Variants in PSMC4 observed in about 807,000 individuals in gnomAD.
The protein encoded by PSMC4 is proteasome 26S subunit, ATPase 4.
A neutral mutation model predicts 48.4 loss-of-function variants in PSMC4; 13 were observed. The observed-to-expected ratio is 0.27, with a 90% confidence interval of 0.18 to 0.43. PSMC4 has a LOEUF of 0.43. Ranked by LOEUF, PSMC4 falls within the 20% of genes least tolerant of loss-of-function variation. The pLI is 1.00. For missense variants in PSMC4, 262 were observed against 555.9 expected, an observed-to-expected ratio of 0.47 and a Z score of 5.32; for synonymous variants, 202 against 212.3, an observed-to-expected ratio of 0.95 and a Z score of 0.42.
chr19:39,980,592 G>T lies in PSMC4; in HGVS notation c.1088-70G>T. The T allele has an allele frequency of 6.3e-7, 1 of 1,594,394 alleles. No homozygotes were observed. Among genetic ancestry groups the T allele is most frequent in the South Asian group, 1.1e-5 (1 of 90,632 alleles). ...GGGAGGAGGGGAGGTGACAGAGATGGCCAAAGATGACTTCCAGCCCCAGGC... is the reference window on the plus strand; with the variant it reads ...GGGAGGAGGGGAGGTGACAGAGATGTCCAAAGATGACTTCCAGCCCCAGGC... On this transcript the variant is annotated intron_variant, in intron 9 of 10. Transcript: ENST00000157812. The surrounding 1 kb of genome is among the most constrained non-coding windows in gnomAD (Gnocchi z 4.8).
Position 39,981,381 on chromosome 19 carries a change from T to C in PSMC4, c.*76T>C, listed in dbSNP as rs988464991. On this transcript the variant is annotated 3_prime_UTR_variant, in exon 11 of 11. Coordinates refer to ENST00000157812, the MANE Select transcript of PSMC4 (RefSeq NM_006503.4). ...CCCCCAGCACCTCTGTCCCAAAACCTCATTCCCTTTTTTCTTTACCCAGGA... is the reference window on the plus strand; with the variant it reads ...CCCCCAGCACCTCTGTCCCAAAACCCCATTCCCTTTTTTCTTTACCCAGGA... 9.8e-7 allele frequency: 1 copy of C among 1,024,364 alleles called. No individual in the cohort carries two copies. The highest frequency in any genetic ancestry group is 2.1e-4 in the Middle Eastern group (1 of 4,876). 63.5% of individuals were successfully genotyped at this position (1,024,364 alleles called of 1,614,324 possible).
rs1192629472 is a variant in PSMC4, at chr19:39,981,211, G to A, written c.1163G>A (p.Arg388His). 4.3e-6 allele frequency: 7 copies of A among 1,613,768 alleles called. No individual in the cohort carries two copies. Among genetic ancestry groups the A allele is most frequent in the Non-Finnish European group, 5.9e-6 (7 of 1,179,826 alleles). Residue 388 changes from arginine to histidine, a missense_variant, in exon 11 of 11, where the codon CGT becomes CAT. By Grantham distance (29) the Arg-to-His change is conservative. Coordinates refer to ENST00000157812, the MANE Select transcript of PSMC4 (RefSeq NM_006503.4). ...CAACAGAGTGGAATGTTGGCTGTCC[G>A]TGAAAACCGCTACATTGTCCTGGCC... ...ICQESGMLAV[R>H]ENRYIVLAKD...
chr19:39,973,306 A>G (rs1036300855), intron 3 of PSMC4, among the ~76,000 whole-genome samples: 1 of 152,120 alleles, frequency 6.6e-6, no homozygotes, highest in African/African-American at 2.4e-5. Flanking sequence ...CTCTGAGGCC[A>G]GGCATGGTGC....
In PSMC4 at chr19:39,980,750, C is replaced by T. The variant is rs376616888; in HGVS notation, c.1143+33C>T. ...GTGGTTTCTCTCTGGATCCAGGCAG[C>T]GGGTGTGTGAGGACCCTTCTTCTCT... On this transcript the variant is annotated intron_variant, in intron 10 of 10. Coordinates refer to ENST00000157812, the MANE Select transcript of PSMC4 (RefSeq NM_006503.4). This position sits in a 1 kb window ranked among gnomAD's most constrained non-coding sequence, Gnocchi z 4.8. 293 of 1,604,480 alleles carry T rather than the reference C, an allele frequency of 1.8e-4. No individual in the cohort carries two copies. The highest frequency in any genetic ancestry group is 2.3e-4 in the Non-Finnish European group (271 of 1,171,490).
chr19:39,977,222 T>C (rs1599728675), intron 6 of PSMC4, among the ~76,000 whole-genome samples: 2 of 152,122 alleles, frequency 1.3e-5, no homozygotes, highest in Non-Finnish European at 2.9e-5. Flanking sequence ...CCAAGACAGA[T>C]CTTCCAGTGT....
chr19:39,976,194 G>A (rs1288321696), intron 6 of PSMC4, among the ~76,000 whole-genome samples: 3 of 149,038 alleles, frequency 2.0e-5, no homozygotes, highest in African/African-American at 7.4e-5. Flanking sequence ...CCCAGATCAC[G>A]CCACTGTACT....
At chr19:39,978,790 G>A (rs532828694) in intron 6 of PSMC4, among the ~76,000 whole-genome samples, 1 of 152,272 alleles carries the variant, frequency 6.6e-6, no homozygotes, top group South Asian at 2.1e-4. Context: ...GCTAAGCCAG[G>A]AGGATCGCTT....
chr19:39,975,452 G>A (rs536697267), intron 6 of PSMC4, among the ~76,000 whole-genome samples: 105 of 148,984 alleles, frequency 7.0e-4, no homozygotes, highest in Middle Eastern at 3.4e-3. Flanking sequence ...ATGTCTGAAA[G>A]TCACTCACTC....
Position 39,980,640 on chromosome 19 carries a change from T to C in PSMC4, c.1088-22T>C, listed in dbSNP as rs1971273865. ...GGCATTTACCCCATCACACAGGGAA[T>C]AGTTTCCTTAACTCGCTGCAGATGT... is the stretch of plus-strand genomic sequence containing the variant. On this transcript the variant is annotated intron_variant, in intron 9 of 10. Coordinates refer to ENST00000157812, the MANE Select transcript of PSMC4 (RefSeq NM_006503.4). This position sits in a 1 kb window ranked among gnomAD's most constrained non-coding sequence, Gnocchi z 4.8. 2.5e-6 allele frequency: 4 copies of C among 1,613,240 alleles called. No individual in the cohort carries two copies. The highest frequency in any genetic ancestry group is 2.5e-6 in the Non-Finnish European group (3 of 1,179,290).
intron 6 of PSMC4, 52 bp from the exon 7 acceptor site, chr19:39,979,765 T>C (rs1482121847): frequency 3.3e-6 from 5 of 1,523,228 alleles, no homozygotes; most frequent in Non-Finnish European, 4.4e-6. Context: ...TAAAGCAGAA[T>C]GGGCCCCTCA....
chr19:39,979,825 A>T lies in PSMC4; in HGVS notation c.682A>T (p.Ile228Phe), dbSNP rs1971260556. 1 of 1,601,184 alleles carries T rather than the reference A, an allele frequency of 6.2e-7. No homozygotes were observed. Among genetic ancestry groups the T allele is most frequent in the African/African-American group, 1.3e-5 (1 of 74,682 alleles). ...AVAHHTTAAF[I>F]RVVGSEFVQK... ...TGTCATCCTGTCATCAGCTGCATTC[A>T]TCCGGGTCGTGGGCTCGGAGTTTGT... The change falls in exon 7 of 11, where the codon ATC becomes TTC. Residue 228 changes from isoleucine to phenylalanine, a missense_variant. Physicochemically the swap from Ile to Phe is conservative, Grantham distance 21. This residue lies in a region of PSMC4 where 131 missense variants were observed against 276.7 expected (regional missense o/e 0.47). Transcript: ENST00000157812.
chr19:39,981,025 T>G (rs1971279613), intron 10 of PSMC4, among the ~76,000 whole-genome samples, 167 bp from the exon 11 acceptor site: 1 of 151,908 alleles, frequency 6.6e-6, no homozygotes, highest in South Asian at 2.1e-4. Context: ...TCTGGCTAAT[T>G]TTTGTATTTT....
rs766880148 is a variant in PSMC4, at chr19:39,974,588, G to A, written c.534G>A (p.Arg178=). The part of the protein sequence containing the change: ...GGMDIQKQEV[R]EAVELPLTHF... ...TGGACATCCAGAAGCAGGAGGTGCG[G>A]GAGGCCGTGGAGCTCCCGCTCACGC... The change falls in exon 5 of 11, where the codon CGG becomes CGA. Residue 178 remains arginine (R), a synonymous_variant. Coordinates refer to ENST00000157812, the MANE Select transcript of PSMC4 (RefSeq NM_006503.4). The surrounding 1 kb of genome is among the most constrained non-coding windows in gnomAD (Gnocchi z 5.5). 2 of 1,613,998 alleles carry A rather than the reference G, an allele frequency of 1.2e-6. No homozygotes were observed. Among genetic ancestry groups the A allele is most frequent in the Admixed American group, 3.3e-5 (2 of 60,004 alleles).
rs1971094496 is a variant in PSMC4 at position 39,971,193 on chromosome 19, C to T, written c.-10C>T. The T allele has an allele frequency of 2.5e-6, 4 of 1,614,066 alleles. No homozygotes were observed. Among genetic ancestry groups the T allele is most frequent in the Admixed American group, 1.7e-5 (1 of 60,024 alleles). ...TCATCCCAGGCCACACAGAGGCCGG[C>T]TTGGTCACTATGGAGGAGATAGGCA... On this transcript the variant is annotated 5_prime_UTR_variant, in exon 1 of 11. Transcript: ENST00000157812.
At chr19:39,975,415 A>T (rs369414944) in intron 6 of PSMC4, among the ~76,000 whole-genome samples, 2 of 151,812 alleles carry the variant, frequency 1.3e-5, no homozygotes, top group African/African-American at 4.8e-5. Context: ...CCAAAAATGT[A>T]TTTCTTATTG....
Position 39,980,107 on chromosome 19 carries a change from G to T in PSMC4, c.879G>T (p.Leu293=), listed in dbSNP as rs1302299724. 1 of 1,614,178 alleles carries T rather than the reference G, an allele frequency of 6.2e-7. No individual in the cohort carries two copies. Among genetic ancestry groups the T allele is most frequent in the South Asian group, 1.1e-5 (1 of 91,074 alleles). ...REVQRILLEL[L]NQMDGFDQNV... is the part of the protein sequence containing the mutation. ...TTCAGAGGATCCTGCTGGAGCTGCT[G>T]AATCAGATGGATGGATTTGATCAGA... The change falls in exon 8 of 11, where the codon CTG becomes CTT. Residue 293 remains leucine, a synonymous_variant. Coordinates refer to ENST00000157812, the MANE Select transcript of PSMC4 (RefSeq NM_006503.4). The surrounding 1 kb of genome is among the most constrained non-coding windows in gnomAD (Gnocchi z 4.8).
intron 6 of PSMC4, among the ~76,000 whole-genome samples, chr19:39,976,826 C>T (rs944157059): frequency 1.4e-5 from 2 of 146,290 alleles, no homozygotes; most frequent in African/African-American, 5.1e-5. Flanking sequence ...CTTCTTAAAA[C>T]ATGAGATTTT....
At chr19:39,973,207 T>C (rs1478195989) in intron 3 of PSMC4, among the ~76,000 whole-genome samples, 3 of 152,220 alleles carry the variant, frequency 2.0e-5, no homozygotes, top group Non-Finnish European at 4.4e-5. Context: ...AACACAGTTC[T>C]GGTCATGACC....
chr19:39,981,139 G>T, intron 10 of PSMC4, 53 bp from the exon 11 acceptor site: 1 of 1,393,792 alleles, frequency 7.2e-7, no homozygotes, highest in Non-Finnish European at 1.0e-6. Flanking sequence ...TTACAGGTGT[G>T]AGCCACTGTG....
Sources: gnomAD v4.1 joint callset for allele counts (sites outside exome capture counted in the v4.1 genomes callset) on GRCh38, gnomAD v4.1.1 for gene constraint, gnomAD v4.1.1 regional missense constraint, Gnocchi (gnomAD v3.1) non-coding constraint, MANE v1.5 for transcripts, NCBI Gene and HGNC (gene_info 2026-07-23, HGNC 2026-07-21) for gene names.